Variants in CECR2 observed in about 807,000 individuals in gnomAD.
CECR2 encodes the protein CECR2 histone acetyl-lysine reader, also known as chromatin remodeling regulator CECR2.
In CECR2, 30 loss-of-function variants were observed where a neutral mutation model predicts 154.5. That is an observed-to-expected ratio of 0.19 (90% CI 0.15 to 0.26). The LOEUF is 0.26. CECR2 is among the 10% of genes least tolerant of loss of function. The probability of loss-of-function intolerance (pLI) is 1.00; values close to 1 mark genes in which losing one functional copy is unlikely to be tolerated. For missense variants in CECR2, 1,743 were observed against 1,829.3 expected (o/e 0.95, Z 0.86); for synonymous variants, 725 against 683.7 (o/e 1.06, Z -0.94).
intron 1 of CECR2, among the ~76,000 whole-genome samples, chr22:17,449,483 C>CTTTTTTTTTTTTTTTTTTT (rs35473694): frequency 1.4e-5 from 1 of 71,450 alleles, no homozygotes; most frequent in African/African-American, 5.9e-5. Flanking sequence ...GTAACCAGTT[C>CTTTTTTTTTTTTTTTTTTT]TTTTTTTTTT....
At position 17,499,404 on chromosome 22, in the gene CECR2, G is replaced by C; in HGVS notation, c.406-6G>C. ...TCCCCAAACCCCTTTTCCGTGCTCT[G>C]TGTAGGGCCTGGATGCAGACAGTCT... On this transcript the variant is annotated splice_region_variant and splice_polypyrimidine_tract_variant and intron_variant, in intron 3 of 18. Coordinates refer to ENST00000262608, the MANE Select transcript of CECR2 (RefSeq NM_001290047.2). The C allele has an allele frequency of 2.5e-6, 4 of 1,612,920 alleles. No homozygotes were observed. The South Asian group carries it at 4.4e-5, about 18-fold the overall frequency.
At chr22:17,432,400 C>CT (rs2054439212) in intron 1 of CECR2, among the ~76,000 whole-genome samples, 1 of 152,154 alleles carries the variant, frequency 6.6e-6, no homozygotes, top group African/African-American at 2.4e-5. Context: ...GTTGTTTCTA[C>CT]TTTTTGGTTA....
At chr22:17,538,862 G>A in intron 12 of CECR2, 131 bp downstream of exon 12, 1 of 1,319,238 alleles carries the variant, frequency 7.6e-7, no homozygotes, top group Non-Finnish European at 1.0e-6. Flanking sequence ...TTCATGTGAT[G>A]TTTCTCGTTT....
At chr22:17,490,014 T>C (rs1177145741) in intron 2 of CECR2, among the ~76,000 whole-genome samples, 3 of 152,106 alleles carry the variant, frequency 2.0e-5, no homozygotes, top group African/African-American at 7.2e-5. Flanking sequence ...ATCCTGCGAA[T>C]TTTGATGTTT....
At chr22:17,473,899 T>G (rs1044157819) in intron 1 of CECR2, among the ~76,000 whole-genome samples, 11 of 152,222 alleles carry the variant, frequency 7.2e-5, no homozygotes, top group African/African-American at 2.7e-4. Context: ...TTTAACTGTT[T>G]GGCCATTTCT....
intron 14 of CECR2, 47 bp from the exon 15 acceptor site, chr22:17,541,792 C>A (rs756696630): frequency 6.4e-7 from 1 of 1,569,306 alleles, no homozygotes; most frequent in Non-Finnish European, 8.6e-7. Context: ...AACCTAAAGT[C>A]TGTGCCTTTC....
Position 17,548,229 on chromosome 22 carries a change from CCACACCTCCCCT to C in CECR2, c.2943_2954del (p.Thr982_Leu985del). The C allele has an allele frequency of 6.3e-7, 1 of 1,596,540 alleles. No individual in the cohort carries two copies. The highest frequency in any genetic ancestry group is 8.5e-7 in the Non-Finnish European group (1 of 1,171,560). On this transcript the variant is annotated inframe_deletion, in exon 17 of 19. Transcript: ENST00000262608. ...GTCTACCTCACACAACTACCTCACC[CCACACCTCCCCT>C]GCAGACTGACTGCACCAGGCAGAGC...
chr22:17,523,174 G>T (rs2056188373), intron 8 of CECR2, among the ~76,000 whole-genome samples: 1 of 152,158 alleles, frequency 6.6e-6, no homozygotes, highest in South Asian at 2.1e-4. Context: ...GCTGAGGTCA[G>T]AAGTTCGAGA....
chr22:17,364,343 A>AG, intron 1 of CECR2, among the ~76,000 whole-genome samples: 2 of 82,178 alleles, frequency 2.4e-5, no homozygotes, highest in African/African-American at 7.7e-5. Context: ...ACTCTGTCTC[A>AG]AAAAAAAAAA....
intron 8 of CECR2, chr22:17,518,629 G>A: frequency 2.4e-6 from 1 of 424,794 alleles, no homozygotes. Flanking sequence ...CATGGGCTTG[G>A]CACTCCATGC....
intron 16 of CECR2, among the ~76,000 whole-genome samples, chr22:17,544,272 G>A (rs570433834): frequency 4.5e-4 from 69 of 152,206 alleles, no homozygotes; most frequent in African/African-American, 1.7e-3. Context: ...GCCAAGGCAG[G>A]CAGATTACAA....
At chr22:17,413,229 A>T (rs1331031590) in intron 1 of CECR2, among the ~76,000 whole-genome samples, 1 of 152,224 alleles carries the variant, frequency 6.6e-6, no homozygotes, top group Non-Finnish European at 1.5e-5. Flanking sequence ...GAGAACAAAG[A>T]GAGCAGGTTG....
Position 17,548,370 on chromosome 22 carries a change from A to G in CECR2, c.3083A>G (p.Asp1028Gly). 6.2e-7 allele frequency: 1 copy of G among 1,613,224 alleles called. No individual in the cohort carries two copies. ...AAGGGCAAGAATCCCTGGCCCTCGGATAGCAGCTACCCCGGCCCAGCCGCC... is the reference window on the plus strand; with the variant it reads ...AAGGGCAAGAATCCCTGGCCCTCGGGTAGCAGCTACCCCGGCCCAGCCGCC... Reference protein sequence around the residue: ...AMKGKNPWPSDSSYPGPAAQG... With the variant: ...AMKGKNPWPSGSSYPGPAAQG... The change falls in exon 17 of 19, where the codon GAT (aspartate) becomes GGT (glycine). Residue 1028 changes from aspartate to glycine, a missense_variant. By Grantham distance (94) the Asp-to-Gly change is moderately conservative. Transcript: ENST00000262608.
In CECR2 at chr22:17,519,292, G is replaced by GTTT. The variant is rs80083383; in HGVS notation, c.955-4811_955-4809dup. Among the ~76,000 whole-genome samples the GTTT allele has an allele frequency of 4.7e-3, 538 of 114,612 alleles. 7 individuals are homozygous for GTTT. Among genetic ancestry groups the GTTT allele is most frequent in the African/African-American group, 0.015 (485 of 31,610 alleles). 75.2% of individuals were successfully genotyped at this position (114,612 alleles called of 152,430 possible). On this transcript the variant is annotated intron_variant, in intron 8 of 18. Coordinates refer to ENST00000262608, the MANE Select transcript of CECR2 (RefSeq NM_001290047.2). Reference sequence around the variant, plus strand: ...TGGAAAGTTCCCTCAGGTGTTTTGTGTTTTTTTTTTTTTTTTTGAGACGGA... The same window carrying GTTT: ...TGGAAAGTTCCCTCAGGTGTTTTGTGTTTTTTTTTTTTTTTTTTTTGAGACGGA...
chr22:17,435,010 A>G (rs2054481829), intron 1 of CECR2, among the ~76,000 whole-genome samples: 1 of 152,160 alleles, frequency 6.6e-6, no homozygotes, highest in Non-Finnish European at 1.5e-5. Context: ...AGGGCCAGAC[A>G]GGTAACTTAA....
intron 8 of CECR2, chr22:17,518,652 T>A (rs2056102981): frequency 2.3e-6 from 1 of 442,390 alleles, no homozygotes; most frequent in Non-Finnish European, 4.6e-6. Context: ...ACAGATTGAA[T>A]TTGCTGAACC....
intron 1 of CECR2, among the ~76,000 whole-genome samples, chr22:17,411,799 C>G (rs2146568749): frequency 6.6e-6 from 1 of 152,126 alleles, no homozygotes; most frequent in Middle Eastern, 3.4e-3. Context: ...CTATATAGGT[C>G]TACCTATGTA....
chr22:17,530,400 G>A (rs1471888388), intron 9 of CECR2, among the ~76,000 whole-genome samples: 3 of 151,886 alleles, frequency 2.0e-5, no homozygotes, highest in Non-Finnish European at 4.4e-5. Context: ...AAGGCCAGGC[G>A]CGGTGGCTCA....
chr22:17,379,946 A>G (rs1293433251), intron 1 of CECR2, among the ~76,000 whole-genome samples: 12 of 152,150 alleles, frequency 7.9e-5, no homozygotes, highest in Admixed American at 3.3e-4. Context: ...TTTTCATTGA[A>G]TGTCCATCTC....
Sources: allele counts gnomAD v4.1 joint callset (sites outside exome capture counted in the v4.1 genomes callset), GRCh38; gene constraint gnomAD v4.1.1; transcripts MANE v1.5; gene names NCBI Gene and HGNC (gene_info 2026-07-23, HGNC 2026-07-21).